GPR137B: variants seen among roughly 807,000 people sequenced by gnomAD.
GPR137B encodes the protein G protein-coupled receptor 137B.
A neutral mutation model predicts 42.5 loss-of-function variants in GPR137B; 42 were observed. The ratio of observed to expected loss-of-function variants is 0.99; its 90% CI spans 0.77 to 1.28. The LOEUF (loss-of-function observed/expected upper bound fraction) is 1.28. Among genes scored for constraint, GPR137B ranks in the 50% most tolerant of loss-of-function variants. The pLI, the probability that GPR137B is intolerant of heterozygous loss-of-function variation, is 0.00. For synonymous variants in GPR137B, 218 were observed against 209.7 expected, an observed-to-expected ratio of 1.04 and a Z score of -0.34; for missense variants, 487 against 493.9, an observed-to-expected ratio of 0.99 and a Z score of 0.13.
At chr1:236,143,386 T>G (rs1661590135) in intron 1 of GPR137B, among the ~76,000 whole-genome samples, 1 of 152,240 alleles carries the variant, frequency 6.6e-6, no homozygotes. Context: ...ATGGAAGGTG[T>G]GCCCCCAAGG....
At chr1:236,185,212 TG>T (rs1662989327) in intron 5 of GPR137B, among the ~76,000 whole-genome samples, 1 of 152,188 alleles carries the variant, frequency 6.6e-6, no homozygotes, top group African/African-American at 2.4e-5. Context: ...CTAATACTCT[TG>T]GGGGGAAATC....
At chr1:236,206,603 T>C (rs1558498215) in intron 6 of GPR137B, among the ~76,000 whole-genome samples, 2 of 152,120 alleles carry the variant, frequency 1.3e-5, no homozygotes. Context: ...CTTCAGTGAA[T>C]TGGGAAGGCA....
chr1:236,181,760 G>A (rs1662882287), intron 4 of GPR137B, among the ~76,000 whole-genome samples: 1 of 152,148 alleles, frequency 6.6e-6, no homozygotes, highest in African/African-American at 2.4e-5. Flanking sequence ...GCAAGGCACT[G>A]CTAAGGGCGT....
intron 1 of GPR137B, among the ~76,000 whole-genome samples, chr1:236,149,901 T>C (rs1360690586): frequency 6.6e-6 from 1 of 151,986 alleles, no homozygotes; most frequent in Non-Finnish European, 1.5e-5. Context: ...TGTATGTACA[T>C]GTGTGCCTGT....
intron 1 of GPR137B, among the ~76,000 whole-genome samples, chr1:236,157,645 A>G (rs1207891458): frequency 6.6e-6 from 1 of 152,216 alleles, no homozygotes; most frequent in Non-Finnish European, 1.5e-5. Flanking sequence ...AGGACCCCCA[A>G]GTATGCTCAG....
intron 5 of GPR137B, among the ~76,000 whole-genome samples, chr1:236,196,370 C>T (rs1420059539): frequency 6.6e-6 from 1 of 152,122 alleles, no homozygotes; most frequent in Non-Finnish European, 1.5e-5. Flanking sequence ...GAACTCCTGA[C>T]CTCAAGTCAT....
chr1:236,182,688 T>C (rs546290984), intron 4 of GPR137B, among the ~76,000 whole-genome samples: 1 of 152,266 alleles, frequency 6.6e-6, no homozygotes, highest in South Asian at 2.1e-4. Context: ...TGAGGTGTGA[T>C]CGCACCACTG....
intron 4 of GPR137B, among the ~76,000 whole-genome samples, chr1:236,182,156 G>C (rs1055598444): frequency 6.6e-6 from 1 of 152,034 alleles, no homozygotes; most frequent in African/African-American, 2.4e-5. Context: ...CTCCCAAAGT[G>C]CTGGGATTAT....
rs759207135 is a variant in GPR137B at position 236,156,513 on chromosome 1, G to A, written c.415-12193G>A. ...CCTGGACCTATAGCCCACAGCTGAC[G>A]TTTGGAAGAAAAGAACATCCTAACG... On this transcript the variant is annotated intron_variant, in intron 1 of 6. Transcript: ENST00000366592. This position sits in a 1 kb window ranked among gnomAD's most constrained non-coding sequence, Gnocchi z 4.8. 6.6e-5 allele frequency among the ~76,000 whole-genome samples: 10 copies of A among 152,222 alleles called. No individual in the cohort carries two copies. The highest frequency in any genetic ancestry group is 4.1e-4 in the South Asian group (2 of 4,828).
In GPR137B at chr1:236,178,400, C is replaced by G. The variant is rs749288038; in HGVS notation, c.465-14C>G. ...TGGGATGTGCAGCTGACAAGTTGCT[C>G]TCATGCCTTCCAGGTTGCCCCTCTA... On this transcript the variant is annotated splice_polypyrimidine_tract_variant and intron_variant, in intron 2 of 6. Coordinates refer to ENST00000366592, the MANE Select transcript of GPR137B (RefSeq NM_003272.4). 4.5e-6 allele frequency: 7 copies of G among 1,560,870 alleles called. No individual in the cohort carries two copies. Among genetic ancestry groups the G allele is most frequent in the Admixed American group, 1.7e-5 (1 of 59,916 alleles).
At chr1:236,143,596 T>C (rs1661598452) in intron 1 of GPR137B, among the ~76,000 whole-genome samples, 1 of 152,180 alleles carries the variant, frequency 6.6e-6, no homozygotes, top group South Asian at 2.1e-4. Flanking sequence ...ACTAACTCAT[T>C]CCACCGGATT....
intron 1 of GPR137B, among the ~76,000 whole-genome samples, chr1:236,152,880 A>AC (rs1661909797): frequency 1.3e-5 from 2 of 151,028 alleles, no homozygotes; most frequent in African/African-American, 4.9e-5. Context: ...ACATGGTGAA[A>AC]CCCCATCTCT....
At chr1:236,185,032 G>T (rs1191429128) in intron 5 of GPR137B, among the ~76,000 whole-genome samples, 1 of 152,182 alleles carries the variant, frequency 6.6e-6, no homozygotes, top group Non-Finnish European at 1.5e-5. Flanking sequence ...CTCCCAAAGT[G>T]CTGGGATTAC....
intron 5 of GPR137B, among the ~76,000 whole-genome samples, chr1:236,188,678 C>T (rs1057040581): frequency 2.0e-5 from 3 of 152,124 alleles, no homozygotes; most frequent in Non-Finnish European, 2.9e-5. Context: ...CTGACTTGAT[C>T]GTGGTGGATA....
At chr1:236,186,799 C>T (rs1358962840) in intron 5 of GPR137B, among the ~76,000 whole-genome samples, 14 of 152,008 alleles carry the variant, frequency 9.2e-5, no homozygotes, top group East Asian at 3.9e-4. Flanking sequence ...AGTAAACATA[C>T]GTGTGCATGT....
intron 5 of GPR137B, among the ~76,000 whole-genome samples, chr1:236,198,686 C>G (rs748579704): frequency 6.6e-6 from 1 of 152,160 alleles, no homozygotes; most frequent in Non-Finnish European, 1.5e-5. Context: ...GCTTTCACCT[C>G]CTTGGTTAGG....
chr1:236,186,040 C>T (rs1663007153), intron 5 of GPR137B, among the ~76,000 whole-genome samples: 1 of 150,862 alleles, frequency 6.6e-6, no homozygotes, highest in African/African-American at 2.4e-5. Context: ...GGTTTTTTGA[C>T]TGGCTTCTTT....
intron 1 of GPR137B, among the ~76,000 whole-genome samples, chr1:236,143,642 G>A (rs1661600296): frequency 6.6e-6 from 1 of 152,210 alleles, no homozygotes; most frequent in Non-Finnish European, 1.5e-5. Context: ...CCAGCTCCGA[G>A]CTGCTGCCGC....
chr1:236,149,609 T>C (rs1661782915), intron 1 of GPR137B, among the ~76,000 whole-genome samples: 1 of 152,222 alleles, frequency 6.6e-6, no homozygotes, highest in Non-Finnish European at 1.5e-5. Flanking sequence ...GTTTATCAAA[T>C]ACCTGTCGTG....
Sources: allele counts gnomAD v4.1 joint callset (sites outside exome capture counted in the v4.1 genomes callset), GRCh38; gene constraint gnomAD v4.1.1; non-coding constraint Gnocchi (gnomAD v3.1); transcripts MANE v1.5; gene names NCBI Gene and HGNC (gene_info 2026-07-23, HGNC 2026-07-21).